ME3: variants seen among roughly 807,000 people sequenced by gnomAD.
ME3 encodes the protein malic enzyme 3, also known as NADP-dependent malic enzyme, mitochondrial.
In ME3, 48 loss-of-function variants were observed where a neutral mutation model predicts 68.9. The ratio of observed to expected loss-of-function variants is 0.70; its 90% CI spans 0.55 to 0.89. The LOEUF is 0.89. Among genes scored for constraint, ME3 ranks in the 40% least tolerant of loss-of-function variants. The pLI, the probability that ME3 is intolerant of heterozygous loss-of-function variation, is 0.00. For missense variants in ME3, 675 were observed against 797.4 expected, an observed-to-expected ratio of 0.85 and a Z score of 1.85; for synonymous variants, 320 against 318.8, an observed-to-expected ratio of 1.00 and a Z score of -0.04.
At chr11:86,477,586 G>T (rs1336055441) in intron 7 of ME3, among the ~76,000 whole-genome samples, 1 of 152,064 alleles carries the variant, frequency 6.6e-6, no homozygotes, top group Non-Finnish European at 1.5e-5. Context: ...TTCAGTTCTG[G>T]GGATGATTTT....
intron 4 of ME3, among the ~76,000 whole-genome samples, chr11:86,509,173 A>G (rs1197168622): frequency 6.6e-6 from 1 of 152,128 alleles, no homozygotes; most frequent in African/African-American, 2.4e-5. Flanking sequence ...TCCCTGACCA[A>G]ATGACCCCAA....
intron 4 of ME3, among the ~76,000 whole-genome samples, chr11:86,550,328 T>C (rs1346130464): frequency 6.6e-6 from 1 of 152,122 alleles, no homozygotes; most frequent in Non-Finnish European, 1.5e-5. Flanking sequence ...ACGGAAGCCA[T>C]GCAGCAGAAC....
chr11:86,480,174 G>A (rs894394793), intron 7 of ME3, among the ~76,000 whole-genome samples: 8 of 152,126 alleles, frequency 5.3e-5, no homozygotes, highest in Non-Finnish European at 1.0e-4. Flanking sequence ...TAGAATGTTG[G>A]ATATGTAGTC....
chr11:86,437,475 T>C (rs80160721), downstream of ME3, among the ~76,000 whole-genome samples: 2 of 152,136 alleles, frequency 1.3e-5, no homozygotes, highest in African/African-American at 4.8e-5. Context: ...ATAAACATTT[T>C]AGAATCAGCC....
In ME3 at chr11:86,472,427, C is replaced by T. The variant is rs574040552; in HGVS notation, c.810-7227G>A. On this transcript the variant is annotated intron_variant, in intron 7 of 14. Transcript: ENST00000543262. ...GACAGCTGGGAGGACAGACTGGAGA[C>T]AAGGAGGCATGGAACTGCAGTGAGA... 2.0e-5 allele frequency among the ~76,000 whole-genome samples: 3 copies of T among 152,216 alleles called. No homozygotes were observed. The East Asian group carries it at 5.8e-4, about 29-fold the overall frequency.
At chr11:86,528,064 T>G (rs1487183060) in intron 4 of ME3, among the ~76,000 whole-genome samples, 1 of 152,106 alleles carries the variant, frequency 6.6e-6, no homozygotes, top group Non-Finnish European at 1.5e-5. Context: ...GATTGGCAAA[T>G]TGGATAAAGA....
At position 86,566,011 on chromosome 11, in the gene ME3, C is replaced by T. The variant is rs146466984; in HGVS notation, c.184-6188G>A. Among the ~76,000 whole-genome samples the T allele has an allele frequency of 6.4e-4, 98 of 152,320 alleles. 1 individual carries two copies. Among genetic ancestry groups the T allele is most frequent in the Admixed American group, 1.4e-3 (22 of 15,302 alleles). On this transcript the variant is annotated intron_variant, in intron 2 of 14. Coordinates refer to ENST00000543262, the Ensembl canonical transcript of ME3. ...TGCAACACATGGTGAAAAACAGAGACTTTTTCTGTGTAGAACTCAGGGTGG... is the reference window on the plus strand; with the variant it reads ...TGCAACACATGGTGAAAAACAGAGATTTTTTCTGTGTAGAACTCAGGGTGG...
chr11:86,596,599 T>C (rs1254644748), intron 2 of ME3, among the ~76,000 whole-genome samples: 1 of 152,302 alleles, frequency 6.6e-6, no homozygotes, highest in East Asian at 1.9e-4. Context: ...CTTGAGACTT[T>C]AAGAAGGCTT....
intron 2 of ME3, among the ~76,000 whole-genome samples, chr11:86,613,928 A>G (rs933135851): frequency 6.6e-6 from 1 of 152,220 alleles, no homozygotes; most frequent in African/African-American, 2.4e-5. Flanking sequence ...TATACCCATC[A>G]AACTACCATT....
At chr11:86,577,220 A>G (rs1394055799) in intron 2 of ME3, among the ~76,000 whole-genome samples, 1 of 152,208 alleles carries the variant, frequency 6.6e-6, no homozygotes, top group Non-Finnish European at 1.5e-5. Context: ...TTTGACCCAG[A>G]TCATTGCCAA....
At chr11:86,575,610 G>C (rs1410090273) in intron 2 of ME3, among the ~76,000 whole-genome samples, 1 of 118,624 alleles carries the variant, frequency 8.4e-6, no homozygotes, top group Admixed American at 7.7e-5. Context: ...CCTTTTAGAG[G>C]AGACAGAGAT....
chr11:86,487,307 C>A (rs765407788), intron 7 of ME3, 30 bp downstream of exon 7: 1 of 1,589,904 alleles, frequency 6.3e-7, no homozygotes, highest in Admixed American at 1.7e-5. Flanking sequence ...TAAAAGTCCT[C>A]TTTCAAAAGG....
At chr11:86,574,272 TGGA>T (rs1344216979) in intron 2 of ME3, among the ~76,000 whole-genome samples, 1 of 152,058 alleles carries the variant, frequency 6.6e-6, no homozygotes, top group Non-Finnish European at 1.5e-5. Flanking sequence ...TGAGATCATT[TGGA>T]GGAGAAGAGG....
chr11:86,469,746 C>A (rs886426411), intron 7 of ME3, among the ~76,000 whole-genome samples: 4 of 152,174 alleles, frequency 2.6e-5, no homozygotes, highest in Non-Finnish European at 5.9e-5. Context: ...GACTTCCCAA[C>A]CCTGGGGACT....
intron 5 of ME3, among the ~76,000 whole-genome samples, chr11:86,501,644 C>G (rs1272702406): frequency 6.6e-6 from 1 of 152,202 alleles, no homozygotes; most frequent in Non-Finnish European, 1.5e-5. Context: ...AATGAATCCT[C>G]TTTTCCCTCT....
At chr11:86,457,520 G>A (rs765344990) in intron 8 of ME3, 9 of 1,131,218 alleles carry the variant, frequency 8.0e-6, no homozygotes, top group Non-Finnish European at 8.8e-6. Context: ...CAGAACTCAA[G>A]AGGAAAAACA....
intron 2 of ME3, among the ~76,000 whole-genome samples, chr11:86,563,472 G>A (rs1376574824): frequency 6.6e-6 from 1 of 151,728 alleles, no homozygotes; most frequent in Non-Finnish European, 1.5e-5. Context: ...ATGTCTTCTT[G>A]TTTCTTTTTG....
chr11:86,659,173 G>A (rs550534801), intron 2 of ME3, among the ~76,000 whole-genome samples: 3 of 152,318 alleles, frequency 2.0e-5, no homozygotes, highest in Non-Finnish European at 2.9e-5. Flanking sequence ...ACACAGGAGC[G>A]ACAGCAGGAG....
intron 2 of ME3, among the ~76,000 whole-genome samples, chr11:86,603,186 C>T (rs1198826033): frequency 1.6e-4 from 24 of 152,092 alleles, no homozygotes; most frequent in South Asian, 4.2e-4. Flanking sequence ...AGAAAATTTT[C>T]GCAACCTACT....
Sources: allele counts gnomAD v4.1 joint callset (sites outside exome capture counted in the v4.1 genomes callset), GRCh38; gene constraint gnomAD v4.1.1; transcripts MANE v1.5; gene names NCBI Gene and HGNC (gene_info 2026-07-23, HGNC 2026-07-21).